The following CAST variants were observed in gnomAD, a reference collection of about 807,000 sequenced individuals.
The protein encoded by CAST is calpastatin.
CAST carries 76 observed loss-of-function variants against 119.6 expected under a neutral mutation model. The observed-to-expected ratio is 0.64, with a 90% CI of 0.53 to 0.77. The LOEUF (loss-of-function observed/expected upper bound fraction) is 0.77. Among genes scored for constraint, CAST ranks in the 30% least tolerant of loss-of-function variants. CAST has a pLI of 0.00. For missense variants in CAST, 953 were observed against 946.5 expected, an observed-to-expected ratio of 1.01 and a Z score of -0.09; for synonymous variants, 319 against 331.6, an observed-to-expected ratio of 0.96 and a Z score of 0.41.
chr5:96,568,812 T>C (rs140171798), intron 1 of CAST, among the ~76,000 whole-genome samples: 36 of 152,078 alleles, frequency 2.4e-4, no homozygotes, highest in African/African-American at 8.0e-4. Context: ...CCAATAGCTA[T>C]AATAACTAAA....
At chr5:96,681,721 A>C (rs1004861463) in intron 2 of CAST, among the ~76,000 whole-genome samples, 18 of 131,642 alleles carry the variant, frequency 1.4e-4, no homozygotes, top group Middle Eastern at 3.6e-3. Flanking sequence ...CGACAGAGCG[A>C]GACTCCGTCT....
intron 1 of CAST, among the ~76,000 whole-genome samples, chr5:96,654,882 T>C (rs1008106519): frequency 3.3e-5 from 5 of 152,216 alleles, no homozygotes; most frequent in African/African-American, 4.8e-5. Flanking sequence ...CCTTTTATTA[T>C]TTTTATTGTA....
intron 9 of CAST, among the ~76,000 whole-genome samples, chr5:96,734,476 TAAG>T (rs1353951224): frequency 1.3e-5 from 2 of 152,120 alleles, no homozygotes; most frequent in African/African-American, 4.8e-5. Context: ...TGTGATAGAA[TAAG>T]AAAGTGGGGA....
At chr5:96,303,831 T>C in the CAST span, among the ~76,000 whole-genome samples, 2 of 152,240 alleles carry the variant, frequency 1.3e-5, no homozygotes, top group African/African-American at 2.4e-5. Context: ...AGCCACATTA[T>C]ATTTATCCAG....
At chr5:96,668,810 A>G (rs1264925179) in intron 1 of CAST, among the ~76,000 whole-genome samples, 2 of 53,068 alleles carry the variant, frequency 3.8e-5, no homozygotes, top group South Asian at 5.5e-4. Flanking sequence ...TTACCCAGGT[A>G]AAAAAAAAAA....
chr5:96,552,884 C>T (rs1746162347), intron 1 of CAST, among the ~76,000 whole-genome samples: 1 of 152,146 alleles, frequency 6.6e-6, no homozygotes, highest in Non-Finnish European at 1.5e-5. Context: ...TCTGAATAGA[C>T]CAATAACAAG....
chr5:96,055,437 T>C, the CAST span, among the ~76,000 whole-genome samples: 1 of 152,174 alleles, frequency 6.6e-6, no homozygotes, highest in African/African-American at 2.4e-5. Context: ...TTGGAGAGCA[T>C]GCTGTATTTT....
At chr5:96,184,121 T>C in the CAST span, among the ~76,000 whole-genome samples, 4 of 152,192 alleles carry the variant, frequency 2.6e-5, no homozygotes, top group East Asian at 7.7e-4. Flanking sequence ...CCAGGATAGG[T>C]ACAGCCCAGA....
chr5:96,479,434 C>T, the CAST span, among the ~76,000 whole-genome samples: 1 of 149,620 alleles, frequency 6.7e-6, no homozygotes, highest in African/African-American at 2.5e-5. Context: ...GAGTAACTAC[C>T]ATTGGCCAGG....
At chr5:96,200,071 T>G in the CAST span, among the ~76,000 whole-genome samples, 1 of 152,114 alleles carries the variant, frequency 6.6e-6, no homozygotes, top group African/African-American at 2.4e-5. Flanking sequence ...ACAGCTAGTC[T>G]GGGGGCATCG....
chr5:96,451,266 A>C, the CAST span, among the ~76,000 whole-genome samples: 1 of 152,228 alleles, frequency 6.6e-6, no homozygotes, highest in Non-Finnish European at 1.5e-5. Flanking sequence ...AGCACTATGC[A>C]GTTCTTAATA....
chr5:96,765,259 C>G lies in CAST; in HGVS notation c.1971C>G (p.Leu657=), dbSNP rs764611052. ...DKDLDDALDK[L]SDSLGQRQPD... is the part of the protein sequence containing the mutation. Reference sequence around the variant, plus strand: ...ACCTCGATGATGCCTTGGATAAACTCTCTGACAGTCTAGGACAAAGGCAGC... The same window carrying G: ...ACCTCGATGATGCCTTGGATAAACTGTCTGACAGTCTAGGACAAAGGCAGC... Residue 657 remains leucine (L), a synonymous_variant, in exon 26 of 32, where the codon CTC becomes CTG. Transcript: ENST00000675179. 2 of 1,604,148 alleles carry G rather than the reference C, an allele frequency of 1.2e-6. No individual in the cohort carries two copies. The highest frequency in any genetic ancestry group is 1.7e-5 in the Admixed American group (1 of 59,286).
chr5:96,438,532 A>G, the CAST span, among the ~76,000 whole-genome samples: 1 of 152,182 alleles, frequency 6.6e-6, no homozygotes, highest in Non-Finnish European at 1.5e-5. Flanking sequence ...ACTTTTGAGG[A>G]GTACTATTCA....
the CAST span, among the ~76,000 whole-genome samples, chr5:96,320,756 T>C: frequency 6.6e-6 from 1 of 152,164 alleles, no homozygotes; most frequent in Non-Finnish European, 1.5e-5. Context: ...GAAAAACTAT[T>C]TAACCTCATA....
the CAST span, among the ~76,000 whole-genome samples, chr5:96,163,157 T>G: frequency 1.3e-5 from 2 of 152,222 alleles, no homozygotes; most frequent in Non-Finnish European, 2.9e-5. Context: ...TAATCTAGGA[T>G]ATCTCATTTG....
the CAST span, among the ~76,000 whole-genome samples, chr5:96,376,163 G>A: frequency 6.6e-6 from 1 of 150,844 alleles, no homozygotes; most frequent in Admixed American, 6.6e-5. Context: ...ATTTCAGCCA[G>A]TAATGGACCA....
chr5:96,284,419 C>A, the CAST span, among the ~76,000 whole-genome samples: 1 of 152,100 alleles, frequency 6.6e-6, no homozygotes, highest in East Asian at 1.9e-4. Context: ...ACCACAACAC[C>A]CCTGCAGCTA....
chr5:96,075,599 A>C, the CAST span, among the ~76,000 whole-genome samples: 1 of 152,208 alleles, frequency 6.6e-6, no homozygotes, highest in East Asian at 1.9e-4. Context: ...AGCAATTCTC[A>C]TTCATCCCAA....
In CAST at chr5:96,582,895, T is replaced by C. The variant is rs566588999; in HGVS notation, c.60+53015T>C. On this transcript the variant is annotated intron_variant, in intron 1 of 11. Coordinates refer to the CAST transcript ENST00000505143. Reference sequence around the variant, plus strand: ...AGAATGTGAATGTCAATGCATAAGTTTGTATAGAAAATACTGTTTTACCTA... The same window carrying C: ...AGAATGTGAATGTCAATGCATAAGTCTGTATAGAAAATACTGTTTTACCTA... 7.2e-4 allele frequency among the ~76,000 whole-genome samples: 109 copies of C among 152,324 alleles called. 1 individual carries two copies. In the South Asian group the frequency reaches 0.015, roughly 21 times the overall value.
Sources: allele counts gnomAD v4.1 joint callset (sites outside exome capture counted in the v4.1 genomes callset), GRCh38; gene constraint gnomAD v4.1.1; transcripts MANE v1.5; gene names NCBI Gene and HGNC (gene_info 2026-07-23, HGNC 2026-07-21).